Variants in SLC25A40 observed in about 807,000 individuals in gnomAD.
SLC25A40 encodes solute carrier family 25 member 40.
A neutral mutation model predicts 46.5 loss-of-function variants in SLC25A40; 41 were observed. That is an observed-to-expected ratio of 0.88 (90% CI 0.69 to 1.14). SLC25A40 has a LOEUF of 1.14. SLC25A40 is among the 50% of genes most tolerant of loss of function. SLC25A40 has a pLI of 0.00. For synonymous variants in SLC25A40, 126 were observed against 127.5 expected (o/e 0.99, Z 0.08); for missense variants, 386 against 393.6 (o/e 0.98, Z 0.16).
intron 6 of SLC25A40, 57 bp downstream of exon 6, chr7:87,849,823 AT>A (rs911700044): frequency 4.4e-5 from 55 of 1,236,600 alleles, no homozygotes; most frequent in Non-Finnish European, 5.9e-5. Context: ...AACCATGCTG[AT>A]TATAGGATAA....
intron 10 of SLC25A40, among the ~76,000 whole-genome samples, chr7:87,838,974 T>C (rs1488261897): frequency 6.6e-6 from 1 of 151,586 alleles, no homozygotes; most frequent in Admixed American, 6.6e-5. Flanking sequence ...TTTCTAACTT[T>C]TTGCTGTTTT....
chr7:87,873,503 G>A (rs545915039), intron 1 of SLC25A40, among the ~76,000 whole-genome samples: 18 of 141,862 alleles, frequency 1.3e-4, no homozygotes, highest in East Asian at 2.1e-4. Context: ...CGCAATTTCC[G>A]CTCACTGCAA....
At chr7:87,850,265 T>C (rs1477879833) in intron 5 of SLC25A40, among the ~76,000 whole-genome samples, 4 of 152,178 alleles carry the variant, frequency 2.6e-5, no homozygotes, top group Admixed American at 2.0e-4. Flanking sequence ...AGAGAACTGG[T>C]TAAACTTGCT....
rs1415512095 is a variant in SLC25A40 at position 87,834,517 on chromosome 7, CTTTA to C, written c.*1728_*1731del. 6.6e-6 allele frequency: 1 copy of C among 151,600 alleles called. No homozygotes were observed. The highest frequency in any genetic ancestry group is 1.9e-4 in the East Asian group (1 of 5,176). 9.4% of individuals were successfully genotyped at this position (151,600 alleles called of 1,614,324 possible). ...TAGGCAATTAGATTTACTTATCTTACTTTATTCATAAATAAGAATTTTCCTAAGT... is the reference window on the plus strand; with the variant it reads ...TAGGCAATTAGATTTACTTATCTTACTTCATAAATAAGAATTTTCCTAAGT... On this transcript the variant is annotated 3_prime_UTR_variant, in exon 12 of 12. Coordinates refer to ENST00000341119, the MANE Select transcript of SLC25A40 (RefSeq NM_018843.4).
intron 1 of SLC25A40, among the ~76,000 whole-genome samples, chr7:87,862,271 G>A (rs1225534201): frequency 6.6e-6 from 1 of 152,166 alleles, no homozygotes. Flanking sequence ...TGGCTTTCCT[G>A]TAATAGTAGA....
intron 10 of SLC25A40, 109 bp from the exon 11 acceptor site, chr7:87,836,919 TAAGAAGA>T (rs1681819449): frequency 1.8e-6 from 1 of 554,848 alleles, no homozygotes; most frequent in South Asian, 4.1e-5. Flanking sequence ...TTCTTTACCA[TAAGAAGA>T]GGTTTGTTTA....
At chr7:87,844,251 AC>A (rs1230856699) in intron 8 of SLC25A40, among the ~76,000 whole-genome samples, 1 of 152,168 alleles carries the variant, frequency 6.6e-6, no homozygotes, top group African/African-American at 2.4e-5. Flanking sequence ...AAGTTGGGTT[AC>A]CCCAGAAATG....
intron 1 of SLC25A40, among the ~76,000 whole-genome samples, chr7:87,865,326 C>T (rs1838775292): frequency 6.6e-6 from 1 of 152,294 alleles, no homozygotes; most frequent in African/African-American, 2.4e-5. Flanking sequence ...AATACATCCT[C>T]CACACATTTT....
Position 87,858,706 on chromosome 7 carries a change from G to C in SLC25A40, c.22C>G (p.Gln8Glu), listed in dbSNP as rs1396134722. MDPETRG[Q>E]EIIKVTPLQQ... Reference sequence around the variant, plus strand: ...AGAGGTGTCACTTTGATAATCTCTTGTCCCCTTGTCTCAGGATCCATATTT... The same window carrying C: ...AGAGGTGTCACTTTGATAATCTCTTCTCCCCTTGTCTCAGGATCCATATTT... Residue 8 changes from glutamine to glutamate, a missense_variant, in exon 3 of 12, where the codon CAA becomes GAA. Physicochemically the swap from Gln to Glu is conservative, Grantham distance 29. Coordinates refer to ENST00000341119, the MANE Select transcript of SLC25A40 (RefSeq NM_018843.4). 1 of 1,612,006 alleles carries C rather than the reference G, an allele frequency of 6.2e-7. No homozygotes were observed. Among genetic ancestry groups the C allele is most frequent in the African/African-American group, 1.3e-5 (1 of 74,874 alleles).
chr7:87,865,774 G>C (rs1838784988), intron 1 of SLC25A40, among the ~76,000 whole-genome samples: 1 of 151,348 alleles, frequency 6.6e-6, no homozygotes, highest in Admixed American at 6.6e-5. Flanking sequence ...TCCGTCTCGG[G>C]GGGAAAAAAA....
chr7:87,871,567 A>C (rs1334985857), intron 1 of SLC25A40, among the ~76,000 whole-genome samples: 1 of 152,232 alleles, frequency 6.6e-6, no homozygotes, highest in African/African-American at 2.4e-5. Flanking sequence ...TTATACAGCA[A>C]CAGGTAGTAT....
intron 1 of SLC25A40, among the ~76,000 whole-genome samples, chr7:87,866,304 T>C (rs1036195196): frequency 6.6e-6 from 1 of 152,180 alleles, no homozygotes; most frequent in Non-Finnish European, 1.5e-5. Context: ...ATTTGCTGGA[T>C]ACAGTATTCT....
In SLC25A40 at chr7:87,841,948, A is replaced by T. The variant is rs1323980781; in HGVS notation, c.742-234T>A. ...TTCCCTTACTTTCCTGAGGTCACAC[A>T]GCTACTAGTTGCAGAGCCACAATTC... On this transcript the variant is annotated intron_variant, in intron 9 of 11. Coordinates refer to ENST00000341119, the MANE Select transcript of SLC25A40 (RefSeq NM_018843.4). 8.5e-6 allele frequency: 3 copies of T among 354,206 alleles called. No homozygotes were observed. In the Middle Eastern group the frequency reaches 1.1e-3, roughly 128 times the overall value. The allele number at this position is 354,206 out of a possible 1,614,324, so 21.9% of individuals were successfully genotyped here. A position where few individuals can be genotyped will look rare whatever the true frequency, so the allele number is the denominator to read the frequency against.
chr7:87,861,392 C>T (rs1238507216), intron 1 of SLC25A40, among the ~76,000 whole-genome samples: 1 of 152,072 alleles, frequency 6.6e-6, no homozygotes, highest in African/African-American at 2.4e-5. Flanking sequence ...AAATCTTGTT[C>T]ATTTTGTATA....
intron 10 of SLC25A40, chr7:87,837,239 T>C (rs990165439): frequency 2.0e-5 from 3 of 150,820 alleles, no homozygotes; most frequent in Non-Finnish European, 4.5e-5. Flanking sequence ...CTTGAACTCT[T>C]AAGTGAGACC....
Position 87,860,658 on chromosome 7 carries a change from G to GTAAT in SLC25A40, c.-93-22_-93-19dup, listed in dbSNP as rs1838682183. 1 of 152,128 alleles carries GTAAT rather than the reference G, an allele frequency of 6.6e-6. No homozygotes were observed. The highest frequency in any genetic ancestry group is 2.1e-4 in the South Asian group (1 of 4,834). The allele number at this position is 152,128 out of a possible 1,614,324, so 9.4% of individuals were successfully genotyped here. On this transcript the variant is annotated intron_variant, in intron 1 of 11. Coordinates refer to ENST00000341119, the MANE Select transcript of SLC25A40 (RefSeq NM_018843.4). ...CCAAAAACCTGTAATTAAGAAGAAA[G>GTAAT]TAATTGTCTTATCTTTTCACACAGG... is the stretch of plus-strand genomic sequence containing the variant.
At chr7:87,853,929 G>A (rs1267919074) in intron 5 of SLC25A40, among the ~76,000 whole-genome samples, 3 of 152,074 alleles carry the variant, frequency 2.0e-5, no homozygotes, top group Non-Finnish European at 4.4e-5. Context: ...ACCACTGGGG[G>A]AAACTAAGAA....
intron 1 of SLC25A40, among the ~76,000 whole-genome samples, chr7:87,865,545 C>T (rs1034884064): frequency 1.3e-5 from 2 of 152,036 alleles, no homozygotes; most frequent in East Asian, 1.9e-4. Context: ...CCAAGGCAGG[C>T]GGATCACTTA....
At chr7:87,840,720 A>C (rs1243350428) in intron 10 of SLC25A40, among the ~76,000 whole-genome samples, 1 of 151,770 alleles carries the variant, frequency 6.6e-6, no homozygotes, top group East Asian at 1.9e-4. Flanking sequence ...TAATATAATA[A>C]AATTTTGATT....
Sources: gnomAD v4.1 joint callset for allele counts (sites outside exome capture counted in the v4.1 genomes callset) on GRCh38, gnomAD v4.1.1 for gene constraint, MANE v1.5 for transcripts, NCBI Gene and HGNC (gene_info 2026-07-23, HGNC 2026-07-21) for gene names.